FN1: variants seen among roughly 807,000 people sequenced by gnomAD.
FN1 encodes fibronectin.
Under a neutral mutation model 297.3 loss-of-function variants are expected in FN1, and 106 were observed. The observed-to-expected ratio is 0.36, with a 90% confidence interval of 0.30 to 0.42. The LOEUF is 0.42. Among genes scored for constraint, FN1 ranks in the 10% least tolerant of loss-of-function variants. The pLI is 1.00. For synonymous variants in FN1, 1,149 were observed against 1,152.6 expected (o/e 1.00, Z 0.06); for missense variants, 2,690 against 3,124.9 (o/e 0.86, Z 3.32).
chr2:215,393,369 C>A (rs893872873), intron 24 of FN1, 166 bp from the exon 25 acceptor site: 1 of 616,618 alleles, frequency 1.6e-6, no homozygotes, highest in South Asian at 2.2e-5. Context: ...AAAAGACTTC[C>A]TAAGCATCAT....
rs1575355312 is a variant in FN1, at chr2:215,379,165, G to A, written c.5587C>T (p.Pro1863Ser). The part of the protein sequence containing the change: ...TGPMKEINLA[P>S]DSSSVVVSGL... ...GATACAACCACGGATGAGCTGTCAG[G>A]AGCAAGGTTGATTTCTTTCATTGGT... The change falls in exon 34 of 46, where the codon CCT (proline) becomes TCT (serine). Residue 1863 changes from proline to serine, a missense_variant. Physicochemically the swap from Pro to Ser is moderately conservative, Grantham distance 74. Transcript: ENST00000354785. 7 of 1,613,940 alleles carry A rather than the reference G, an allele frequency of 4.3e-6. No individual in the cohort carries two copies. Among genetic ancestry groups the A allele is most frequent in the Non-Finnish European group, 5.9e-6 (7 of 1,180,018 alleles).
intron 11 of FN1, among the ~76,000 whole-genome samples, chr2:215,419,938 C>A (rs903729763): frequency 5.3e-5 from 8 of 152,188 alleles, no homozygotes; most frequent in African/African-American, 1.9e-4. Flanking sequence ...CAGTGAGCAA[C>A]CTGTCTCTTT....
chr2:215,385,077 T>G (rs1452177307), intron 28 of FN1, 101 bp from the exon 29 acceptor site: 5 of 837,604 alleles, frequency 6.0e-6, no homozygotes, highest in Non-Finnish European at 8.1e-6. Flanking sequence ...GATTCTTCCA[T>G]ACAATCATGT....
At chr2:215,424,409 T>TA in intron 7 of FN1, 84 bp from the exon 8 acceptor site, 15 of 1,074,538 alleles carry the variant, frequency 1.4e-5, no homozygotes, top group Non-Finnish European at 2.1e-5. Context: ...TTCAATGAGA[T>TA]ACTGAGCTTG....
At position 215,379,232 on chromosome 2, in the gene FN1, G is replaced by C. The variant is rs767001317; in HGVS notation, c.5520C>G (p.Leu1840=). ...GGGTCACCCGCACTCGATATCCAGT[G>C]AGCTGAACATTGGGTGGTGTCCACT... The part of the protein sequence containing the change: ...SAQWTPPNVQ[L]TGYRVRVTPK... Residue 1840 remains leucine (L), a synonymous_variant, in exon 34 of 46, where the codon CTC becomes CTG. Coordinates refer to ENST00000354785, the MANE Select transcript of FN1 (RefSeq NM_212482.4). 1.2e-6 allele frequency: 2 copies of C among 1,614,086 alleles called. No homozygotes were observed. Among genetic ancestry groups the C allele is most frequent in the Admixed American group, 3.3e-5 (2 of 60,024 alleles).
At chr2:215,397,964 T>C in intron 21 of FN1, 116 bp from the exon 22 acceptor site, 1 of 900,530 alleles carries the variant, frequency 1.1e-6, no homozygotes, top group East Asian at 2.5e-5. Context: ...CTGCACAGTG[T>C]ACTTTTATTG....
chr2:215,414,571 A>G, intron 13 of FN1: 1 of 642,936 alleles, frequency 1.6e-6, no homozygotes. Flanking sequence ...CTTGCAAAAA[A>G]GATTTCTGTA....
At chr2:215,429,714 C>G (rs962764778) in intron 5 of FN1, among the ~76,000 whole-genome samples, 11 of 152,298 alleles carry the variant, frequency 7.2e-5, no homozygotes, top group African/African-American at 2.4e-4. Context: ...TCCCTGACCC[C>G]CTAAGTACTC....
At chr2:215,425,356 A>G in intron 6 of FN1, 71 bp from the exon 7 acceptor site, 4 of 1,423,378 alleles carry the variant, frequency 2.8e-6, no homozygotes, top group Non-Finnish European at 4.0e-6. Context: ...TGCAGTCAGG[A>G]TCTTCAGGAT....
intron 40 of FN1, among the ~76,000 whole-genome samples, chr2:215,371,000 T>A (rs570882042): frequency 1.3e-5 from 2 of 152,212 alleles, no homozygotes; most frequent in Non-Finnish European, 2.9e-5. Context: ...GTGTAGTGGG[T>A]GGCTCATGCT....
intron 28 of FN1, among the ~76,000 whole-genome samples, chr2:215,385,248 TAAAAAA>T (rs10542238): frequency 5.5e-5 from 7 of 128,110 alleles, no homozygotes; most frequent in South Asian, 2.6e-4. Context: ...ACAGAAAAGT[TAAAAAA>T]AAAAAAAAAA....
At position 215,375,304 on chromosome 2, in the gene FN1, C is replaced by G. The variant is rs759164727; in HGVS notation, c.6067G>C (p.Gly2023Arg). ...GGCTTCTCATACTTGATGATGTAGC[C>G]GGTAATCCTGGCACGTGGCGGCTGC... ...SWQPPRARIT[G>R]YIIKYEKPGS... The change falls in exon 38 of 46, where the codon GGC (glycine) becomes CGC (arginine). Residue 2023 changes from glycine (G) to arginine (R), a missense_variant. Gly to Arg is a moderately radical substitution (Grantham distance 125, BLOSUM62 -2). Around this residue, in one of 3 missense-constraint regions of FN1, gnomAD observed 1,743 missense variants for 1,945.2 expected, o/e 0.90. Coordinates refer to ENST00000354785, the MANE Select transcript of FN1 (RefSeq NM_212482.4). 6 of 1,613,938 alleles carry G rather than the reference C, an allele frequency of 3.7e-6. No individual in the cohort carries two copies.
At chr2:215,405,800 A>C (rs1283095760) in intron 19 of FN1, among the ~76,000 whole-genome samples, 1 of 152,106 alleles carries the variant, frequency 6.6e-6, no homozygotes, top group Non-Finnish European at 1.5e-5. Context: ...GGTCAAAACA[A>C]AGAGTAAATA....
chr2:215,419,182 A>G, intron 12 of FN1, 60 bp downstream of exon 12: 1 of 1,480,928 alleles, frequency 6.8e-7, no homozygotes, highest in East Asian at 2.3e-5. Context: ...ATTAATAATC[A>G]CTGCCCTGTT....
At chr2:215,414,618 C>G (rs956626959) in intron 13 of FN1, 16 of 1,173,866 alleles carry the variant, frequency 1.4e-5, no homozygotes, top group Admixed American at 3.4e-5. Flanking sequence ...ACCAGCCCCC[C>G]CACCGCAAAA....
At position 215,407,205 on chromosome 2, in the gene FN1, T is replaced by C; in HGVS notation, c.2635A>G (p.Thr879Ala). The C allele has an allele frequency of 6.2e-7, 1 of 1,613,998 alleles. No individual in the cohort carries two copies. Among genetic ancestry groups the C allele is most frequent in the Non-Finnish European group, 8.5e-7 (1 of 1,179,852 alleles). The change falls in exon 18 of 46, where the codon ACT (threonine) becomes GCT (alanine). Residue 879 changes from threonine to alanine, a missense_variant. Coordinates refer to ENST00000354785, the MANE Select transcript of FN1 (RefSeq NM_212482.4). ...DLQPGVQYNI[T>A]IYAVEENQES... is the part of the protein sequence containing the mutation. ...TGATTTTCTTCCACAGCATAGATAG[T>C]GATGTTATACTGAACACCAGGTTGC... is the stretch of plus-strand genomic sequence containing the variant.
At chr2:215,428,707 T>C (rs1335300903) in intron 5 of FN1, among the ~76,000 whole-genome samples, 1 of 152,180 alleles carries the variant, frequency 6.6e-6, no homozygotes, top group Non-Finnish European at 1.5e-5. Flanking sequence ...TGCCTTTCAA[T>C]AGGGACCTTG....
At chr2:215,382,158 C>T in intron 32 of FN1, 54 bp downstream of exon 32, 2 of 1,133,532 alleles carry the variant, frequency 1.8e-6, no homozygotes, top group Non-Finnish European at 2.7e-6. Context: ...GGCATTCAGA[C>T]ACCCAAGAAC....
rs1359413638 is a variant in FN1, at chr2:215,361,471, CT to C, written c.*83del. 2.5e-5 allele frequency: 25 copies of C among 994,422 alleles called. No individual in the cohort carries two copies. In the South Asian group the frequency reaches 3.2e-4, roughly 13 times the overall value. The allele number at this position is 994,422 out of a possible 1,614,324, so 61.6% of individuals were successfully genotyped here. ...AGGGCTTAAGAAAGAAAGAAGAACT[CT>C]AAGCTGGGTCTGCTAACATCACTCC... On this transcript the variant is annotated 3_prime_UTR_variant, in exon 46 of 46. Transcript: ENST00000354785.
Sources: gnomAD v4.1 joint callset for allele counts (sites outside exome capture counted in the v4.1 genomes callset) on GRCh38, gnomAD v4.1.1 for gene constraint, gnomAD v4.1.1 regional missense constraint, MANE v1.5 for transcripts, NCBI Gene and HGNC (gene_info 2026-07-23, HGNC 2026-07-21) for gene names.